SPEF2: variants seen among roughly 807,000 people sequenced by gnomAD.
SPEF2 encodes the protein sperm flagellar and cilia associated 2.
SPEF2 carries 187 observed loss-of-function variants against 224.6 expected under a neutral mutation model. The ratio of observed to expected loss-of-function variants is 0.83; its 90% CI spans 0.74 to 0.94. SPEF2 has a LOEUF of 0.94. Among genes scored for constraint, SPEF2 ranks in the 40% least tolerant of loss-of-function variants. The pLI is 0.00. For synonymous variants in SPEF2, 715 were observed against 707.3 expected (o/e 1.01, Z -0.17); for missense variants, 2,170 against 2,135.6 (o/e 1.02, Z -0.32).
intron 20 of SPEF2, among the ~76,000 whole-genome samples, chr5:35,724,729 CT>C (rs1240320246): frequency 1.3e-5 from 2 of 152,090 alleles, no homozygotes; most frequent in Non-Finnish European, 2.9e-5. Flanking sequence ...ACTCATGTGG[CT>C]ATTATAAAGA....
At chr5:35,622,586 G>A (rs562517336) in intron 1 of SPEF2, among the ~76,000 whole-genome samples, 2 of 152,182 alleles carry the variant, frequency 1.3e-5, no homozygotes, top group Non-Finnish European at 2.9e-5. Flanking sequence ...TGGGCCTGCT[G>A]CCTTTTAGTT....
intron 30 of SPEF2, chr5:35,781,563 T>TG (rs1188141853): frequency 6.6e-6 from 1 of 152,156 alleles, no homozygotes; most frequent in Non-Finnish European, 1.5e-5. Flanking sequence ...AAGAGGAGGC[T>TG]TTCTCTGTGT....
At chr5:35,708,088 T>A (rs1319370097) in intron 18 of SPEF2, among the ~76,000 whole-genome samples, 1 of 152,216 alleles carries the variant, frequency 6.6e-6, no homozygotes, top group Non-Finnish European at 1.5e-5. Context: ...AGAACTATTG[T>A]TTGCAATATT....
chr5:35,667,388 G>A, intron 9 of SPEF2, 129 bp downstream of exon 9: 5 of 818,064 alleles, frequency 6.1e-6, no homozygotes, highest in Non-Finnish European at 8.9e-6. Flanking sequence ...AAAAGGTGGG[G>A]TCCAGGAGAC....
At chr5:35,628,646 C>T in intron 2 of SPEF2, 84 bp downstream of exon 2, 1 of 931,446 alleles carries the variant, frequency 1.1e-6, no homozygotes, top group South Asian at 1.5e-5. Context: ...GACTGGAGTG[C>T]AGTAGCGTGA....
chr5:35,643,529 G>A (rs1277866739), intron 3 of SPEF2: 1 of 455,884 alleles, frequency 2.2e-6, no homozygotes, highest in Non-Finnish European at 4.4e-6. Context: ...TATCAGTTGA[G>A]AAAAAGAGTC....
chr5:35,707,222 A>C (rs1334041659), intron 18 of SPEF2, among the ~76,000 whole-genome samples: 1 of 152,240 alleles, frequency 6.6e-6, no homozygotes, highest in Non-Finnish European at 1.5e-5. Flanking sequence ...AAGTAGGGAA[A>C]AGCAGGTTAC....
intron 19 of SPEF2, among the ~76,000 whole-genome samples, chr5:35,712,247 A>T (rs964293147): frequency 6.0e-5 from 9 of 149,852 alleles, no homozygotes; most frequent in Admixed American, 4.6e-4. Context: ...ATTTTATTTT[A>T]TTATTTTATT....
chr5:35,709,725 C>T (rs1740720098), intron 19 of SPEF2: 1 of 985,168 alleles, frequency 1.0e-6, no homozygotes. Context: ...CCGCTATGGA[C>T]CATAAGTCTA....
In SPEF2 at chr5:35,670,508, T is replaced by TA. The variant is rs1251509259; in HGVS notation, c.1524+283dup. The stretch of plus-strand genomic sequence containing the variant: ...AGATTTCAGAATTTTTAAAATGCTT[T>TA]AATTTATTTATTAGCATTTTTCTTT... On this transcript the variant is annotated intron_variant, in intron 10 of 36. Transcript: ENST00000356031. The TA allele has an allele frequency of 2.9e-6, 3 of 1,052,496 alleles. No homozygotes were observed. The East Asian group carries it at 2.2e-4, about 76-fold the overall frequency. 65.2% of individuals were successfully genotyped at this position (1,052,496 alleles called of 1,614,324 possible).
Position 35,750,382 on chromosome 5 carries a change from C to T in SPEF2, c.3331-3242C>T, listed in dbSNP as rs571374254. Among the ~76,000 whole-genome samples the T allele has an allele frequency of 1.7e-4, 26 of 152,108 alleles. No homozygotes were observed. In the South Asian group the frequency reaches 4.8e-3, roughly 28 times the overall value. The stretch of plus-strand genomic sequence containing the variant: ...CTAATTAAACCAAACAACTTTTGCA[C>T]GGCACATGGACAGTCAGCAGAGTAA... On this transcript the variant is annotated intron_variant, in intron 23 of 36. Coordinates refer to ENST00000356031, the MANE Select transcript of SPEF2 (RefSeq NM_024867.4).
At chr5:35,628,230 G>A (rs1012467589) in intron 1 of SPEF2, among the ~76,000 whole-genome samples, 1 of 151,846 alleles carries the variant, frequency 6.6e-6, no homozygotes, top group Non-Finnish European at 1.5e-5. Flanking sequence ...TCAAAATTTT[G>A]TATTTCATCA....
intron 36 of SPEF2, chr5:35,807,726 A>T: frequency 1.3e-6 from 2 of 1,536,092 alleles, no homozygotes; most frequent in Non-Finnish European, 1.7e-6. Context: ...AAGATGGAGA[A>T]ACTAAGGACA....
intron 21 of SPEF2, among the ~76,000 whole-genome samples, chr5:35,732,797 C>T (rs1027843656): frequency 5.3e-5 from 8 of 152,118 alleles, no homozygotes; most frequent in Admixed American, 1.3e-4. Context: ...TGCAGTTTCA[C>T]TTTATGATTT....
chr5:35,685,170 G>C (rs1191936151), intron 10 of SPEF2, among the ~76,000 whole-genome samples: 2 of 152,102 alleles, frequency 1.3e-5, no homozygotes, highest in African/African-American at 4.8e-5. Flanking sequence ...AGTATGTATA[G>C]AAGTGGCAGT....
chr5:35,687,349 C>G (rs1263805906), intron 10 of SPEF2, among the ~76,000 whole-genome samples: 1 of 152,004 alleles, frequency 6.6e-6, no homozygotes, highest in Non-Finnish European at 1.5e-5. Flanking sequence ...CTTTTCATTA[C>G]CATATTTTTA....
chr5:35,808,442 TC>T (rs1430774369), intron 36 of SPEF2, among the ~76,000 whole-genome samples: 1 of 152,042 alleles, frequency 6.6e-6, no homozygotes, highest in African/African-American at 2.4e-5. Context: ...ATGTTCACCT[TC>T]TTGTGTCCAA....
chr5:35,626,302 A>T (rs991484802), intron 1 of SPEF2, among the ~76,000 whole-genome samples: 1 of 152,212 alleles, frequency 6.6e-6, no homozygotes, highest in Admixed American at 6.5e-5. Flanking sequence ...AGAATGTATC[A>T]TGGGTTTAGA....
At chr5:35,631,079 G>T (rs961916399) in intron 2 of SPEF2, among the ~76,000 whole-genome samples, 1 of 152,180 alleles carries the variant, frequency 6.6e-6, no homozygotes, top group African/African-American at 2.4e-5. Flanking sequence ...ACAAAAGAAA[G>T]TTGTTTTGGA....
Sources: gnomAD v4.1 joint callset for allele counts (sites outside exome capture counted in the v4.1 genomes callset) on GRCh38, gnomAD v4.1.1 for gene constraint, MANE v1.5 for transcripts, NCBI Gene and HGNC (gene_info 2026-07-23, HGNC 2026-07-21) for gene names.